The following EPB41L5 variants were observed in gnomAD, a reference collection of about 807,000 sequenced individuals.
EPB41L5 encodes the protein erythrocyte membrane protein band 4.1 like 5.
A neutral mutation model predicts 106.6 loss-of-function variants in EPB41L5; 55 were observed. The ratio of observed to expected loss-of-function variants is 0.52; its 90% CI spans 0.42 to 0.65. EPB41L5 has a LOEUF of 0.65. Ranked by LOEUF, EPB41L5 falls within the 30% of genes least tolerant of loss-of-function variation. EPB41L5 has a pLI of 0.00. For missense variants in EPB41L5, 871 were observed against 882.1 expected (o/e 0.99, Z 0.16); for synonymous variants, 297 against 306.7 (o/e 0.97, Z 0.33).
At chr2:120,064,709 G>A (rs1355374474) in intron 3 of EPB41L5, among the ~76,000 whole-genome samples, 1 of 152,166 alleles carries the variant, frequency 6.6e-6, no homozygotes, top group African/African-American at 2.4e-5. Context: ...AAGGTACAGT[G>A]AAGAAAGAGA....
Position 120,175,062 on chromosome 2 carries a change from T to TTTA in EPB41L5, c.*155_*156insTTA. The TTTA allele has an allele frequency of 1.4e-6, 1 of 707,902 alleles. No individual in the cohort carries two copies. The highest frequency in any genetic ancestry group is 2.5e-6 in the Non-Finnish European group (1 of 395,868). 43.9% of individuals were successfully genotyped at this position (707,902 alleles called of 1,614,324 possible). A position where few individuals can be genotyped will look rare whatever the true frequency, so the allele number is the denominator to read the frequency against. ...CTCCGTAAAAAAGACAGCTGTATTT[T>TTTA]CCGTCCAACTGGAATTGTTGAATCA... On this transcript the variant is annotated 3_prime_UTR_variant, in exon 25 of 25. Coordinates refer to ENST00000263713, the MANE Select transcript of EPB41L5 (RefSeq NM_020909.4).
chr2:120,146,930 G>T (rs201644593), intron 20 of EPB41L5, among the ~76,000 whole-genome samples: 1 of 152,090 alleles, frequency 6.6e-6, no homozygotes, highest in Non-Finnish European at 1.5e-5. Context: ...TCCAGATACC[G>T]CAGTCAACAT....
chr2:120,151,975 C>T lies in EPB41L5; in HGVS notation c.1793+5686C>T, dbSNP rs374707011. Among the ~76,000 whole-genome samples, 132 of 152,206 alleles carry T rather than the reference C, an allele frequency of 8.7e-4. 1 individual carries two copies. Among genetic ancestry groups the T allele is most frequent in the Middle Eastern group, 6.8e-3 (2 of 294 alleles). ...ACATGATTATGGCATCTGTGAATAG[C>T]GATAGTTTTACTTCCTTATTTCCAG... On this transcript the variant is annotated intron_variant, in intron 20 of 24. Transcript: ENST00000263713.
chr2:120,049,623 C>G (rs556139284), intron 3 of EPB41L5, among the ~76,000 whole-genome samples: 8 of 152,186 alleles, frequency 5.3e-5, no homozygotes, highest in East Asian at 1.9e-4. Flanking sequence ...ATCCAATTTG[C>G]CAGTCTGTGT....
intron 4 of EPB41L5, among the ~76,000 whole-genome samples, chr2:120,073,459 T>G (rs1682017602): frequency 6.6e-6 from 1 of 152,240 alleles, no homozygotes; most frequent in African/African-American, 2.4e-5. Context: ...AGCTTGCAAA[T>G]GGGATTGACT....
At chr2:120,171,507 G>A (rs1380314754) in intron 24 of EPB41L5, among the ~76,000 whole-genome samples, 1 of 152,214 alleles carries the variant, frequency 6.6e-6, no homozygotes, top group Non-Finnish European at 1.5e-5. Context: ...TAAGGCTCTA[G>A]ACTGAACACG....
In EPB41L5 at chr2:120,054,589, G is replaced by A. The variant is rs58637020; in HGVS notation, c.285+12479G>A. Among the ~76,000 whole-genome samples the A allele has an allele frequency of 5.3e-3, 798 of 150,476 alleles. 4 individuals carry two copies. The highest frequency in any genetic ancestry group is 0.018 in the African/African-American group (753 of 40,906). On this transcript the variant is annotated intron_variant, in intron 3 of 24. Coordinates refer to ENST00000263713, the MANE Select transcript of EPB41L5 (RefSeq NM_020909.4). ...TGCAATTTCGGCTCACTGCAACTCC[G>A]CCTCCCGGTTCGAGCAGTTCTCCTG... is the stretch of plus-strand genomic sequence containing the variant.
rs1687879222 is a variant in EPB41L5, at chr2:120,175,211, C to G, written c.*304C>G. 1 of 338,314 alleles carries G rather than the reference C, an allele frequency of 3.0e-6. No homozygotes were observed. The highest frequency in any genetic ancestry group is 5.4e-5 in the East Asian group (1 of 18,378). 21.0% of individuals were successfully genotyped at this position (338,314 alleles called of 1,614,324 possible). On this transcript the variant is annotated 3_prime_UTR_variant, in exon 25 of 25. Transcript: ENST00000263713. Reference sequence around the variant, plus strand: ...GTTTCCTTCAAACTCTTGGCTCCACCTAGCGGTTCTATTTGTTCATAACAA... The same window carrying G: ...GTTTCCTTCAAACTCTTGGCTCCACGTAGCGGTTCTATTTGTTCATAACAA...
chr2:120,163,980 C>CTTTTGTTTTTTTTTTTTTT (rs1687269296), intron 21 of EPB41L5, among the ~76,000 whole-genome samples: 1 of 68,140 alleles, frequency 1.5e-5, no homozygotes, highest in Non-Finnish European at 2.7e-5. Flanking sequence ...TTTGTATTTA[C>CTTTTGTTTTTTTTTTTTTT]TTTTTTTTTT....
At position 120,074,127 on chromosome 2, in the gene EPB41L5, G is replaced by A. The variant is rs774040105; in HGVS notation, c.356G>A (p.Arg119Gln). The A allele has an allele frequency of 6.2e-6, 10 of 1,610,390 alleles. No homozygotes were observed. Among genetic ancestry groups the A allele is most frequent in the Admixed American group, 5.0e-5 (3 of 59,660 alleles). ...KIGSPYCLHLRVKFYSSEPNN... is the reference protein window; with the variant it reads ...KIGSPYCLHLQVKFYSSEPNN... Reference sequence around the variant, plus strand: ...GGTTCACCCTATTGTCTGCATCTTCGAGTTAAGTTTTATTCCTCAGAACCA... The same window carrying A: ...GGTTCACCCTATTGTCTGCATCTTCAAGTTAAGTTTTATTCCTCAGAACCA... The change falls in exon 5 of 25, where the codon CGA becomes CAA. Residue 119 changes from arginine to glutamine, a missense_variant. Transcript: ENST00000263713.
chr2:120,131,779 T>C, intron 18 of EPB41L5, 64 bp downstream of exon 18: 1 of 1,227,126 alleles, frequency 8.1e-7, no homozygotes, highest in East Asian at 2.3e-5. Context: ...ATATTTTCTT[T>C]CCAAAGACAG....
intron 22 of EPB41L5, among the ~76,000 whole-genome samples, chr2:120,167,256 C>G (rs1306127382): frequency 2.0e-5 from 3 of 152,150 alleles, no homozygotes; most frequent in African/African-American, 4.8e-5. Flanking sequence ...AAAATTATGA[C>G]ACTTTCTTAA....
chr2:120,107,586 T>C (rs534127578), intron 16 of EPB41L5, among the ~76,000 whole-genome samples: 1 of 152,180 alleles, frequency 6.6e-6, no homozygotes, highest in East Asian at 1.9e-4. Flanking sequence ...TCTCCTTCCT[T>C]CTCCATGCCA....
intron 16 of EPB41L5, among the ~76,000 whole-genome samples, chr2:120,103,492 G>A (rs1245755474): frequency 6.6e-6 from 1 of 152,136 alleles, no homozygotes; most frequent in Non-Finnish European, 1.5e-5. Context: ...ATTCTCTATT[G>A]CTAATTGGGA....
intron 3 of EPB41L5, among the ~76,000 whole-genome samples, chr2:120,043,900 A>G (rs1349613717): frequency 6.6e-6 from 1 of 152,114 alleles, no homozygotes; most frequent in African/African-American, 2.4e-5. Context: ...TAATCCCAGC[A>G]CTTTGAGAGG....
chr2:120,077,808 C>T (rs932655579), intron 9 of EPB41L5, among the ~76,000 whole-genome samples: 2 of 152,102 alleles, frequency 1.3e-5, no homozygotes, highest in Non-Finnish European at 2.9e-5. Context: ...AGTTCATTCT[C>T]GCACTGCTAT....
At chr2:120,062,720 A>G (rs1345969048) in intron 3 of EPB41L5, among the ~76,000 whole-genome samples, 1 of 152,018 alleles carries the variant, frequency 6.6e-6, no homozygotes, top group Non-Finnish European at 1.5e-5. Context: ...TTATTTGTTC[A>G]ATAATTATGG....
chr2:120,082,477 G>A (rs948404269), intron 10 of EPB41L5, among the ~76,000 whole-genome samples: 1 of 152,152 alleles, frequency 6.6e-6, no homozygotes, highest in Non-Finnish European at 1.5e-5. Flanking sequence ...TTGGGGGTAA[G>A]CTTTTTGATG....
chr2:120,022,337 C>T (rs950729673), intron 2 of EPB41L5, among the ~76,000 whole-genome samples: 1 of 151,942 alleles, frequency 6.6e-6, no homozygotes, highest in African/African-American at 2.4e-5. Flanking sequence ...TCCCCTAACC[C>T]CCCACCCCCC....
Sources: allele counts gnomAD v4.1 joint callset (sites outside exome capture counted in the v4.1 genomes callset), GRCh38; gene constraint gnomAD v4.1.1; transcripts MANE v1.5; gene names NCBI Gene and HGNC (gene_info 2026-07-23, HGNC 2026-07-21).